The following ANOS1 variants were observed in gnomAD, a reference collection of about 807,000 sequenced individuals.
The protein encoded by ANOS1 is anosmin 1.
ANOS1 carries 6 observed loss-of-function variants against 59.0 expected under a neutral mutation model. The observed-to-expected ratio is 0.10, with a 90% CI of 0.06 to 0.20. ANOS1 has a LOEUF of 0.20. ANOS1 is among the 10% of genes least tolerant of loss of function. ANOS1 has a pLI of 1.00. For synonymous variants in ANOS1, 217 were observed against 223.4 expected, an observed-to-expected ratio of 0.97 and a Z score of 0.25; for missense variants, 433 against 542.3, an observed-to-expected ratio of 0.80 and a Z score of 2.00.
chrX:8,627,737 A>C (rs941091349), intron 2 of ANOS1, among the ~76,000 whole-genome samples: 1 of 111,463 alleles, frequency 9.0e-6, no homozygotes, highest in African/African-American at 3.3e-5. Flanking sequence ...AGTTAAAAAA[A>C]AAAAGATTTC....
At chrX:8,546,766 A>G (rs771148841) in intron 9 of ANOS1, among the ~76,000 whole-genome samples, 6 of 112,159 alleles carry the variant, frequency 5.3e-5, no homozygotes, top group African/African-American at 1.9e-4. Context: ...TCATAATTCT[A>G]CTGCTCACAA....
At chrX:8,631,780 C>T in intron 2 of ANOS1, among the ~76,000 whole-genome samples, 1 of 111,704 alleles carries the variant, frequency 9.0e-6, no homozygotes, top group Non-Finnish European at 1.9e-5. Flanking sequence ...ACGTATCACT[C>T]CTATCATTGA....
intron 8 of ANOS1, among the ~76,000 whole-genome samples, chrX:8,563,374 G>A (rs143389344): frequency 1.4e-3 from 160 of 111,770 alleles, no homozygotes; most frequent in African/African-American, 4.8e-3. Flanking sequence ...GGAATCAACC[G>A]GTCAAATAGA....
chrX:8,632,513 G>C (rs1328171163), intron 2 of ANOS1, among the ~76,000 whole-genome samples: 1 of 110,952 alleles, frequency 9.0e-6, no homozygotes, highest in Non-Finnish European at 1.9e-5. Context: ...CTTAATTCCA[G>C]TCTCTCAAGC....
Position 8,539,646 on chromosome X carries a change from T to C in ANOS1, c.1449+18A>G. On this transcript the variant is annotated intron_variant, in intron 10 of 13. Coordinates refer to ENST00000262648, the MANE Select transcript of ANOS1 (RefSeq NM_000216.4). ...ATTATGTTCACAGATCAAGTTGGCC[T>C]AGAGATCATGTCCTTACGTGGGTCA... The C allele has an allele frequency of 2.5e-6, 3 of 1,211,615 alleles. No individual in the cohort carries two copies. Among genetic ancestry groups the C allele is most frequent in the Non-Finnish European group, 3.4e-6 (3 of 895,360 alleles).
intron 2 of ANOS1, among the ~76,000 whole-genome samples, chrX:8,666,292 C>T (rs193140923): frequency 1.6e-3 from 180 of 111,451 alleles, no homozygotes; most frequent in African/African-American, 5.7e-3. Flanking sequence ...TATGAAGAGT[C>T]CCCTTTGTTG....
At chrX:8,654,728 T>C (rs1931903568) in intron 2 of ANOS1, among the ~76,000 whole-genome samples, 1 of 112,159 alleles carries the variant, frequency 8.9e-6, no homozygotes, top group Admixed American at 9.5e-5. Context: ...GTCTATCAGC[T>C]CCTTAAAATC....
chrX:8,700,817 T>A (rs1356025230), intron 1 of ANOS1, among the ~76,000 whole-genome samples: 2 of 111,399 alleles, frequency 1.8e-5, no homozygotes, highest in African/African-American at 6.5e-5. Flanking sequence ...GAGACCAGCC[T>A]GGCCAACATG....
At chrX:8,560,320 C>A (rs1304809286) in intron 8 of ANOS1, among the ~76,000 whole-genome samples, 1 of 111,243 alleles carries the variant, frequency 9.0e-6, no homozygotes, top group Non-Finnish European at 1.9e-5. Flanking sequence ...TGAATTTTGA[C>A]ACTAATTTAT....
chrX:8,621,787 C>G (rs901639357), intron 3 of ANOS1, among the ~76,000 whole-genome samples: 1 of 111,719 alleles, frequency 9.0e-6, no homozygotes, highest in African/African-American at 3.3e-5. Context: ...TACCATCATT[C>G]ACAGCTGAGA....
At position 8,699,881 on chromosome X, in the gene ANOS1, C is replaced by T. The variant is rs768128848; in HGVS notation, c.208-136G>A. On this transcript the variant is annotated intron_variant, in intron 1 of 13. Coordinates refer to ENST00000262648, the MANE Select transcript of ANOS1 (RefSeq NM_000216.4). Reference sequence around the variant, plus strand: ...CAAATACCCAATCTTGCAAAACCTGCTGTCCTTCCCTTCCAATGATAGAAA... The same window carrying T: ...CAAATACCCAATCTTGCAAAACCTGTTGTCCTTCCCTTCCAATGATAGAAA... 8.9e-5 allele frequency: 35 copies of T among 394,492 alleles called. No individual in the cohort carries two copies. In the Admixed American group the frequency reaches 1.1e-3, roughly 12 times the overall value. The allele number at this position is 394,492 out of a possible 1,213,427, so 32.5% of individuals were successfully genotyped here.
In ANOS1 at chrX:8,623,030, T is replaced by TGATGGATGGATG. The variant is rs34949507; in HGVS notation, c.318+566_318+577dup. Reference sequence around the variant, plus strand: ...ATGGATAGCTGGATGGATGGATGGATGATGGATGGATGGATGGATGGATGG... The same window carrying TGATGGATGGATG: ...ATGGATAGCTGGATGGATGGATGGATGATGGATGGATGGATGGATGGATGGATGGATGGATGG... On this transcript the variant is annotated intron_variant, in intron 3 of 13. Coordinates refer to ENST00000262648, the MANE Select transcript of ANOS1 (RefSeq NM_000216.4). Among the ~76,000 whole-genome samples, 913 of 102,421 alleles carry TGATGGATGGATG rather than the reference T, an allele frequency of 8.9e-3. 10 individuals are homozygous for TGATGGATGGATG. The highest frequency in any genetic ancestry group is 0.022 in the South Asian group (47 of 2,101). The allele number at this position is 102,421 out of a possible 115,157, so 88.9% of individuals were successfully genotyped here.
rs766962723 is a variant in ANOS1, at chrX:8,661,792, C to G, written c.255+37906G>C. 7.2e-5 allele frequency among the ~76,000 whole-genome samples: 8 copies of G among 111,604 alleles called. No individual in the cohort carries two copies. In the East Asian group the frequency reaches 2.3e-3, roughly 32 times the overall value. On this transcript the variant is annotated intron_variant, in intron 2 of 13. Coordinates refer to ENST00000262648, the MANE Select transcript of ANOS1 (RefSeq NM_000216.4). ...ATCACAATCCCAATTAGCACTGTTA[C>G]TTCTAGGAGCTTAAAAACAACAGCA...
intron 6 of ANOS1, among the ~76,000 whole-genome samples, chrX:8,577,702 C>G (rs1266106105): frequency 2.7e-5 from 3 of 112,357 alleles, no homozygotes; most frequent in Non-Finnish European, 1.9e-5. Flanking sequence ...CAGGTTTCAT[C>G]ACTTAACCTC....
chrX:8,688,792 CA>C (rs976847006), intron 2 of ANOS1, among the ~76,000 whole-genome samples: 5 of 112,254 alleles, frequency 4.5e-5, no homozygotes, highest in African/African-American at 1.3e-4. Flanking sequence ...GGAAGCTTTG[CA>C]TGTTCTTTCA....
chrX:8,538,774 G>A (rs1434302077), intron 10 of ANOS1, among the ~76,000 whole-genome samples: 1 of 112,167 alleles, frequency 8.9e-6, no homozygotes, highest in African/African-American at 3.2e-5. Context: ...GACAAATTAA[G>A]TCCAGTAAAA....
At chrX:8,676,578 C>T (rs1932340926) in intron 2 of ANOS1, among the ~76,000 whole-genome samples, 1 of 111,763 alleles carries the variant, frequency 8.9e-6, no homozygotes, top group Non-Finnish European at 1.9e-5. Flanking sequence ...TGTAAGGATC[C>T]CTAACTGTCA....
chrX:8,668,125 A>G (rs1267383525), intron 2 of ANOS1, among the ~76,000 whole-genome samples: 1 of 107,195 alleles, frequency 9.3e-6, no homozygotes, highest in East Asian at 2.9e-4. Context: ...ATTTTGGTGC[A>G]CCCATCACCC....
intron 2 of ANOS1, among the ~76,000 whole-genome samples, chrX:8,645,419 G>C (rs12388194): frequency 9.0e-6 from 1 of 110,741 alleles, no homozygotes; most frequent in Non-Finnish European, 1.9e-5. Flanking sequence ...TCAGACCCCA[G>C]GCTCAAAACA....
Sources: gnomAD v4.1 joint callset for allele counts (sites outside exome capture counted in the v4.1 genomes callset) on GRCh38, gnomAD v4.1.1 for gene constraint, MANE v1.5 for transcripts, NCBI Gene and HGNC (gene_info 2026-07-23, HGNC 2026-07-21) for gene names.